The following SYT13 variants were observed in gnomAD, a reference collection of about 807,000 sequenced individuals.
The protein encoded by SYT13 is synaptotagmin-13.
SYT13 carries 21 observed loss-of-function variants against 38.6 expected under a neutral mutation model. The ratio of observed to expected loss-of-function variants is 0.54; its 90% confidence interval spans 0.39 to 0.78. SYT13 has a LOEUF of 0.78. SYT13 is among the 30% of genes least tolerant of loss of function. The pLI, the probability that SYT13 is intolerant of heterozygous loss-of-function variation, is 0.00. For missense variants in SYT13, 495 were observed against 548.7 expected (o/e 0.90, Z 0.98); for synonymous variants, 241 against 237.6 (o/e 1.01, Z -0.13).
At chr11:45,253,619 G>T (rs1441688265) in intron 3 of SYT13, among the ~76,000 whole-genome samples, 1 of 152,182 alleles carries the variant, frequency 6.6e-6, no homozygotes, top group African/African-American at 2.4e-5. Context: ...AAAGTGAATT[G>T]TCAGGGCAGA....
At position 45,286,319 on chromosome 11, in the gene SYT13, C is replaced by G; in HGVS notation, c.-112G>C. On this transcript the variant is annotated 5_prime_UTR_variant, in exon 1 of 6. Coordinates refer to ENST00000020926, the MANE Select transcript of SYT13 (RefSeq NM_020826.3). ...GGCGAGCCAGCAGCTCTCCCGCCGC[C>G]AGAGGGGCGGGGACGGAGGGAGGGA... 7.8e-7 allele frequency: 1 copy of G among 1,282,672 alleles called. No individual in the cohort carries two copies. 79.5% of individuals were successfully genotyped at this position (1,282,672 alleles called of 1,614,324 possible).
At chr11:45,261,476 T>C (rs1854814792) in intron 1 of SYT13, among the ~76,000 whole-genome samples, 1 of 151,994 alleles carries the variant, frequency 6.6e-6, no homozygotes, top group Non-Finnish European at 1.5e-5. Context: ...CAGGCGCCTG[T>C]AATCCCAGCT....
At chr11:45,271,194 C>G (rs1854945027) in intron 1 of SYT13, among the ~76,000 whole-genome samples, 1 of 152,164 alleles carries the variant, frequency 6.6e-6, no homozygotes, top group Non-Finnish European at 1.5e-5. Context: ...CTCCAGGAAG[C>G]TACTATCCAT....
intron 4 of SYT13, among the ~76,000 whole-genome samples, chr11:45,251,182 A>G (rs1854669414): frequency 6.6e-6 from 1 of 151,912 alleles, no homozygotes; most frequent in Non-Finnish European, 1.5e-5. Flanking sequence ...CAAGGTCAGG[A>G]GATCAAGACC....
At chr11:45,280,808 C>T (rs1590534360) in intron 1 of SYT13, among the ~76,000 whole-genome samples, 1 of 152,328 alleles carries the variant, frequency 6.6e-6, no homozygotes, top group Admixed American at 6.5e-5. Flanking sequence ...GCCATGTGCT[C>T]AGCACCATAC....
At chr11:45,265,536 G>T (rs1250861577) in intron 1 of SYT13, among the ~76,000 whole-genome samples, 1 of 152,228 alleles carries the variant, frequency 6.6e-6, no homozygotes, top group Non-Finnish European at 1.5e-5. Context: ...GAGGCTGGAA[G>T]TCCAAGATCA....
At chr11:45,270,067 A>T (rs1299189023) in intron 1 of SYT13, among the ~76,000 whole-genome samples, 1 of 152,200 alleles carries the variant, frequency 6.6e-6, no homozygotes, top group Non-Finnish European at 1.5e-5. Context: ...CAAGGCTGTC[A>T]GCAATGTGTT....
chr11:45,273,446 C>T (rs1174799022), intron 1 of SYT13, among the ~76,000 whole-genome samples: 1 of 128,434 alleles, frequency 7.8e-6, no homozygotes, highest in African/African-American at 3.0e-5. Context: ...AGGTGGGGGC[C>T]TTCTGGGGCC....
chr11:45,250,148 C>G (rs9300051), intron 4 of SYT13, among the ~76,000 whole-genome samples: 67,367 of 152,058 alleles, frequency 0.44, 15,193 homozygotes, highest in African/African-American at 0.47. Context: ...TTCTCCTGCC[C>G]TATACACCCA....
intron 1 of SYT13, among the ~76,000 whole-genome samples, chr11:45,281,239 T>C (rs1855069774): frequency 6.6e-6 from 1 of 152,154 alleles, no homozygotes. Flanking sequence ...ATTTATATTA[T>C]TTTGTAAAAC....
Position 45,255,666 on chromosome 11 carries a change from C to A in SYT13, c.409G>T (p.Gly137Cys), listed in dbSNP as rs1191912283. 16 of 1,613,756 alleles carry A rather than the reference C, an allele frequency of 9.9e-6. No individual in the cohort carries two copies. The highest frequency in any genetic ancestry group is 1.4e-5 in the Non-Finnish European group (16 of 1,179,860). The change falls in exon 2 of 6, where the codon GGT becomes TGT. Residue 137 changes from glycine to cysteine, a missense_variant and splice_region_variant. Coordinates refer to ENST00000020926, the MANE Select transcript of SYT13 (RefSeq NM_020826.3). ...AGTGCAGGGGGCAGGAGACCCCTACCATTCTGAGGGAGGATGAACAGCTCC... is the reference window on the plus strand; with the variant it reads ...AGTGCAGGGGGCAGGAGACCCCTACAATTCTGAGGGAGGATGAACAGCTCC... ...TEELFILPQN[G>C]VVEDVCVMET...
At chr11:45,256,034 T>C (rs1854743233) in intron 1 of SYT13, 143 bp from the exon 2 acceptor site, 3 of 806,714 alleles carry the variant, frequency 3.7e-6, no homozygotes, top group African/African-American at 3.4e-5. Flanking sequence ...GAGCACAACC[T>C]AGGAAGGTCT....
At chr11:45,262,044 A>G (rs1211592618) in intron 1 of SYT13, among the ~76,000 whole-genome samples, 1 of 152,250 alleles carries the variant, frequency 6.6e-6, no homozygotes, top group Non-Finnish European at 1.5e-5. Context: ...ATTATTCACA[A>G]TCACTAAAAG....
chr11:45,259,176 C>T (rs572997088), intron 1 of SYT13, among the ~76,000 whole-genome samples: 39 of 152,272 alleles, frequency 2.6e-4, no homozygotes, highest in Admixed American at 2.0e-3. Context: ...TCCCATTCAT[C>T]GGCACAAAAG....
intron 1 of SYT13, among the ~76,000 whole-genome samples, chr11:45,274,177 C>T (rs1291974035): frequency 1.3e-5 from 2 of 152,080 alleles, no homozygotes; most frequent in Non-Finnish European, 2.9e-5. Flanking sequence ...TTTTTTCTTT[C>T]GAGTAGTCTC....
In SYT13 at chr11:45,244,294, G is replaced by A. The variant is rs200690817; in HGVS notation, c.1039C>T (p.Arg347Ter). 12 of 1,614,006 alleles carry A rather than the reference G, an allele frequency of 7.4e-6. No homozygotes were observed. The highest frequency in any genetic ancestry group is 1.1e-5 in the South Asian group (1 of 91,076). ...ARKLKKKQTK[R>*]AKHKINPVWN... Reference sequence around the variant, plus strand: ...ACGGGGTTGATCTTGTGCTTAGCTCGTTTAGTCTGCTTCTTCTTCAGCTTC... The same window carrying A: ...ACGGGGTTGATCTTGTGCTTAGCTCATTTAGTCTGCTTCTTCTTCAGCTTC... The change falls in exon 6 of 6, where the codon CGA (arginine) becomes TGA (stop). Residue 347 changes from arginine to a stop codon, truncating the protein, a stop_gained. Transcript: ENST00000020926. LOFTEE classifies it high-confidence loss of function.
intron 1 of SYT13, among the ~76,000 whole-genome samples, chr11:45,277,397 A>G (rs1855023226): frequency 6.6e-6 from 1 of 152,254 alleles, no homozygotes; most frequent in African/African-American, 2.4e-5. Flanking sequence ...GAATAAAAAA[A>G]GCTTTGAAAA....
At position 45,255,886 on chromosome 11, in the gene SYT13, A is replaced by G. The variant is rs1854740020; in HGVS notation, c.189T>C (p.Asn63=). 3.1e-6 allele frequency: 5 copies of G among 1,614,102 alleles called. No individual in the cohort carries two copies. The highest frequency in any genetic ancestry group is 4.2e-6 in the Non-Finnish European group (5 of 1,180,016). Residue 63 remains asparagine, a synonymous_variant, in exon 2 of 6, where the codon AAT becomes AAC. Transcript: ENST00000020926. ...GAACAGGTTCCGTGGACTTTTTAAC[A>G]TTGAACTGCAAACACAAATTACTCT... is the stretch of plus-strand genomic sequence containing the variant. ...PSLLGSAQQF[N]VKKSTEPVQP... is the part of the protein sequence containing the mutation.
At chr11:45,262,769 A>ACAC (rs879343529) in intron 1 of SYT13, among the ~76,000 whole-genome samples, 42 of 72,972 alleles carry the variant, frequency 5.8e-4, no homozygotes, top group South Asian at 2.0e-3. Context: ...ACACACACAC[A>ACAC]AATTGAACTG....
Sources: gnomAD v4.1 joint callset for allele counts (sites outside exome capture counted in the v4.1 genomes callset) on GRCh38, gnomAD v4.1.1 for gene constraint, MANE v1.5 for transcripts, NCBI Gene and HGNC (gene_info 2026-07-23, HGNC 2026-07-21) for gene names.